Variants in PTPRD observed in about 807,000 individuals in gnomAD.
PTPRD encodes the protein protein tyrosine phosphatase receptor type D, also known as receptor-type tyrosine-protein phosphatase delta.
PTPRD carries 34 observed loss-of-function variants against 214.5 expected under a neutral mutation model. The observed-to-expected ratio is 0.16, with a 90% CI of 0.12 to 0.21. The LOEUF is 0.21. Ranked by LOEUF, PTPRD falls within the 10% of genes least tolerant of loss-of-function variation. The pLI is 1.00. For missense variants in PTPRD, 2,545 were observed against 2,398.7 expected, an observed-to-expected ratio of 1.06 and a Z score of -1.27; for synonymous variants, 1,128 against 845.7, an observed-to-expected ratio of 1.33 and a Z score of -5.79.
chr9:8,800,880 C>T lies in PTPRD; in HGVS notation c.-103-66934G>A, dbSNP rs143495425. On this transcript the variant is annotated intron_variant, in intron 11 of 45. Transcript: ENST00000381196. ...TCTGAAATGGCCAAAAGACATTTCT[C>T]AGAAAATAATATTGGTAAAAATTGT... Among the ~76,000 whole-genome samples the T allele has an allele frequency of 2.4e-3, 358 of 152,114 alleles. 1 individual carries two copies. The highest frequency in any genetic ancestry group is 7.6e-3 in the African/African-American group (317 of 41,484).
chr9:8,603,926 C>G (rs1564654667), intron 14 of PTPRD, among the ~76,000 whole-genome samples: 1 of 152,164 alleles, frequency 6.6e-6, no homozygotes, highest in Non-Finnish European at 1.5e-5. Context: ...GCATTAGACA[C>G]TATAATGTGT....
intron 11 of PTPRD, among the ~76,000 whole-genome samples, chr9:8,841,903 C>T (rs1209242340): frequency 2.0e-5 from 3 of 151,320 alleles, no homozygotes; most frequent in East Asian, 1.9e-4. Context: ...CCCAGCTACT[C>T]GGGAGGCTGA....
chr9:10,466,417 A>T (rs2098993756), intron 2 of PTPRD, among the ~76,000 whole-genome samples: 1 of 152,142 alleles, frequency 6.6e-6, no homozygotes, highest in East Asian at 1.9e-4. Flanking sequence ...TGAAGTCGGG[A>T]GTTCGAGACC....
chr9:9,309,896 G>C (rs746375213), intron 9 of PTPRD, among the ~76,000 whole-genome samples: 6 of 152,138 alleles, frequency 3.9e-5, no homozygotes, highest in Non-Finnish European at 8.8e-5. Context: ...ATTTAAATAG[G>C]ACTCTGTCTG....
chr9:9,456,797 C>T (rs2145643554), intron 8 of PTPRD, among the ~76,000 whole-genome samples: 1 of 151,906 alleles, frequency 6.6e-6, no homozygotes, highest in South Asian at 2.1e-4. Context: ...AAAAGTCACC[C>T]AACTGGTAAA....
intron 10 of PTPRD, among the ~76,000 whole-genome samples, chr9:9,030,332 A>G (rs907260708): frequency 9.3e-5 from 9 of 96,456 alleles, no homozygotes; most frequent in African/African-American, 3.8e-4. Flanking sequence ...TTCTTTTCTC[A>G]TTCACTAGTA....
At chr9:10,331,844 T>C (rs1168908894) in intron 3 of PTPRD, among the ~76,000 whole-genome samples, 1 of 151,898 alleles carries the variant, frequency 6.6e-6, no homozygotes, top group Non-Finnish European at 1.5e-5. Flanking sequence ...TTGGCATTTT[T>C]GTATAAATTT....
intron 2 of PTPRD, among the ~76,000 whole-genome samples, chr9:10,375,884 C>T (rs895499531): frequency 6.6e-6 from 1 of 151,906 alleles, no homozygotes; most frequent in African/African-American, 2.4e-5. Flanking sequence ...TTATCGTGCC[C>T]TATTTTGAAT....
intron 14 of PTPRD, among the ~76,000 whole-genome samples, chr9:8,583,794 G>A (rs1205292602): frequency 1.3e-5 from 2 of 152,194 alleles, no homozygotes; most frequent in Non-Finnish European, 2.9e-5. Context: ...CATGACAGAA[G>A]AGTAGAATTT....
chr9:10,154,648 C>A (rs547810170), intron 3 of PTPRD, among the ~76,000 whole-genome samples: 1 of 151,898 alleles, frequency 6.6e-6, no homozygotes, highest in East Asian at 1.9e-4. Context: ...TATATGGGGT[C>A]CAGTTTCAGT....
At chr9:8,358,879 G>A (rs539698151) in intron 39 of PTPRD, among the ~76,000 whole-genome samples, 30 of 151,494 alleles carry the variant, frequency 2.0e-4, no homozygotes, top group Non-Finnish European at 3.5e-4. Flanking sequence ...AGGCCGAGGC[G>A]GGCGGATCAC....
intron 11 of PTPRD, among the ~76,000 whole-genome samples, chr9:8,906,910 G>T (rs2098711802): frequency 1.3e-5 from 2 of 152,032 alleles, no homozygotes; most frequent in South Asian, 4.2e-4. Flanking sequence ...AGACTTGAGA[G>T]GGCCCAAACT....
chr9:8,816,250 G>A (rs990519638), intron 11 of PTPRD, among the ~76,000 whole-genome samples: 1 of 152,156 alleles, frequency 6.6e-6, no homozygotes, highest in African/African-American at 2.4e-5. Context: ...AACAGAATAT[G>A]ATCATTGGTC....
chr9:10,507,385 A>G (rs1007410525), intron 2 of PTPRD, among the ~76,000 whole-genome samples: 1 of 152,182 alleles, frequency 6.6e-6, no homozygotes, highest in Admixed American at 6.5e-5. Context: ...AAGGTAATTT[A>G]TAGATTCAAT....
chr9:9,324,310 T>G (rs564130322), intron 9 of PTPRD, among the ~76,000 whole-genome samples: 1 of 152,178 alleles, frequency 6.6e-6, no homozygotes, highest in South Asian at 2.1e-4. Context: ...CCACCAACAG[T>G]GTAAAAGCAT....
chr9:8,638,277 C>T (rs1315635449), intron 12 of PTPRD, among the ~76,000 whole-genome samples: 1 of 152,046 alleles, frequency 6.6e-6, no homozygotes, highest in African/African-American at 2.4e-5. Context: ...GTTTGTTCTT[C>T]TTGGTTCATC....
At chr9:10,396,374 C>T (rs1321136936) in intron 2 of PTPRD, among the ~76,000 whole-genome samples, 1 of 151,826 alleles carries the variant, frequency 6.6e-6, no homozygotes, top group Non-Finnish European at 1.5e-5. Flanking sequence ...GGCAATAGAC[C>T]ATGTAATTCT....
chr9:9,308,175 G>A (rs933096937), intron 9 of PTPRD, among the ~76,000 whole-genome samples: 2 of 152,052 alleles, frequency 1.3e-5, no homozygotes, highest in Non-Finnish European at 2.9e-5. Context: ...TTTTTAATGC[G>A]TGATTTTGGG....
intron 8 of PTPRD, among the ~76,000 whole-genome samples, chr9:9,407,718 G>C (rs770189222): frequency 6.6e-6 from 1 of 151,858 alleles, no homozygotes; most frequent in African/African-American, 2.4e-5. Context: ...TTTGGAATCA[G>C]AGTATCTCCC....
Sources: allele counts gnomAD v4.1 joint callset (sites outside exome capture counted in the v4.1 genomes callset), GRCh38; gene constraint gnomAD v4.1.1; transcripts MANE v1.5; gene names NCBI Gene and HGNC (gene_info 2026-07-23, HGNC 2026-07-21).